VPS45: variants seen among roughly 807,000 people sequenced by gnomAD.
VPS45 encodes vacuolar protein sorting-associated protein 45.
In VPS45, 35 loss-of-function variants were observed where a neutral mutation model predicts 75.9. The ratio of observed to expected loss-of-function variants is 0.46; its 90% CI spans 0.35 to 0.61. The LOEUF is 0.61. Ranked by LOEUF, VPS45 falls within the 20% of genes least tolerant of loss-of-function variation. The pLI, the probability that VPS45 is intolerant of heterozygous loss-of-function variation, is 0.00. For synonymous variants in VPS45, 220 were observed against 238.2 expected (o/e 0.92, Z 0.70); for missense variants, 559 against 685.9 (o/e 0.81, Z 2.07).
intron 13 of VPS45, among the ~76,000 whole-genome samples, chr1:150,104,475 G>A (rs1438601914): frequency 6.6e-6 from 1 of 152,194 alleles, no homozygotes; most frequent in Non-Finnish European, 1.5e-5. Context: ...GGATAAACAT[G>A]AGTGCAAGTG....
chr1:150,126,647 C>G (rs1553810810), intron 14 of VPS45, among the ~76,000 whole-genome samples: 1 of 152,086 alleles, frequency 6.6e-6, no homozygotes, highest in Non-Finnish European at 1.5e-5. Context: ...ATTTTATTGT[C>G]TATGAGTTAT....
chr1:150,085,556 A>G (rs1427826845), intron 10 of VPS45, among the ~76,000 whole-genome samples: 3 of 152,136 alleles, frequency 2.0e-5, no homozygotes, highest in Non-Finnish European at 2.9e-5. Flanking sequence ...ATTTGGCAAC[A>G]TAACTTAAAT....
At chr1:150,079,083 C>T (rs1296180717) in intron 7 of VPS45, among the ~76,000 whole-genome samples, 1 of 142,176 alleles carries the variant, frequency 7.0e-6, no homozygotes, top group Non-Finnish European at 1.5e-5. Flanking sequence ...TGTCCTCCAG[C>T]CTGGGCAACG....
chr1:150,138,358 G>A (rs187432278), intron 14 of VPS45, among the ~76,000 whole-genome samples: 2 of 152,054 alleles, frequency 1.3e-5, no homozygotes, highest in African/African-American at 4.8e-5. Context: ...TGTCTTGGTC[G>A]TCCTACCTCA....
intron 14 of VPS45, among the ~76,000 whole-genome samples, chr1:150,128,532 A>G (rs1422118153): frequency 6.6e-6 from 1 of 152,158 alleles, no homozygotes; most frequent in African/African-American, 2.4e-5. Flanking sequence ...ATCAACAGGT[A>G]CTTTATAGAT....
rs587650148 is a variant in VPS45 at position 150,097,506 on chromosome 1, G to C, written c.1493+3858G>C. On this transcript the variant is annotated intron_variant, in intron 13 of 14. Coordinates refer to ENST00000644510, the MANE Select transcript of VPS45 (RefSeq NM_007259.5). ...AGGCCGAGCGGGCAGATTCTTTGAG[G>C]TCAGGAGTTTGAGACCAGCCTGGCC... 1.7e-3 allele frequency among the ~76,000 whole-genome samples: 257 copies of C among 151,742 alleles called. 1 individual carries two copies. The highest frequency in any genetic ancestry group is 2.7e-3 in the Non-Finnish European group (180 of 67,918).
intron 10 of VPS45, among the ~76,000 whole-genome samples, chr1:150,091,135 A>G (rs1221031105): frequency 2.6e-5 from 4 of 152,234 alleles, no homozygotes; most frequent in African/African-American, 9.6e-5. Context: ...TGTATATAGC[A>G]GAATAAATTA....
intron 13 of VPS45, among the ~76,000 whole-genome samples, chr1:150,107,255 T>C (rs959967989): frequency 1.6e-4 from 25 of 152,188 alleles, no homozygotes; most frequent in African/African-American, 6.0e-4. Context: ...GCATCTCCAT[T>C]AGAATATTCC....
intron 14 of VPS45, among the ~76,000 whole-genome samples, chr1:150,125,832 C>T (rs896441126): frequency 2.6e-5 from 4 of 151,990 alleles, no homozygotes; most frequent in Non-Finnish European, 5.9e-5. Flanking sequence ...GGATTATAGG[C>T]GCCTGCCACC....
chr1:150,080,382 G>A (rs587729774), intron 7 of VPS45, among the ~76,000 whole-genome samples: 78 of 152,156 alleles, frequency 5.1e-4, no homozygotes, highest in South Asian at 2.7e-3. Context: ...GACCTTAAGT[G>A]ATCCACCCAC....
chr1:150,108,473 T>C (rs782255058), intron 13 of VPS45, among the ~76,000 whole-genome samples: 1 of 152,202 alleles, frequency 6.6e-6, no homozygotes, highest in Non-Finnish European at 1.5e-5. Flanking sequence ...CTATACTGAA[T>C]GGAACAGATG....
intron 14 of VPS45, among the ~76,000 whole-genome samples, chr1:150,127,061 C>T (rs186682933): frequency 7.2e-5 from 11 of 152,178 alleles, no homozygotes; most frequent in South Asian, 6.2e-4. Context: ...CCTAAAGCAA[C>T]GGGTATGATG....
At position 150,108,759 on chromosome 1, in the gene VPS45, A is replaced by G. The variant is rs587653719; in HGVS notation, c.1494-1737A>G. ...GGCAATAGTTTCATAAGGAACACAC[A>G]ACCTAGATCCCTCCCATGCGTAGTT... On this transcript the variant is annotated intron_variant, in intron 13 of 14. Transcript: ENST00000644510. 3.9e-5 allele frequency among the ~76,000 whole-genome samples: 6 copies of G among 152,298 alleles called. No homozygotes were observed. In the South Asian group the frequency reaches 8.3e-4, roughly 21 times the overall value.
intron 14 of VPS45, among the ~76,000 whole-genome samples, chr1:150,128,681 C>T (rs1388529417): frequency 6.6e-6 from 1 of 151,962 alleles, no homozygotes; most frequent in Non-Finnish European, 1.5e-5. Flanking sequence ...CCAGAGGGGA[C>T]TTCTCTTCAC....
At chr1:150,131,378 G>A (rs1485511758) in intron 14 of VPS45, among the ~76,000 whole-genome samples, 9 of 151,950 alleles carry the variant, frequency 5.9e-5, no homozygotes, top group South Asian at 2.1e-4. Context: ...GTGTGGTGGC[G>A]GGCGCCTGTA....
intron 14 of VPS45, among the ~76,000 whole-genome samples, chr1:150,140,386 G>GGTTTGTGTGT (rs1247879886): frequency 3.7e-4 from 52 of 140,430 alleles, no homozygotes; most frequent in Admixed American, 1.6e-3. Context: ...CATCACTTCT[G>GGTTTGTGTGT]GTGTGTGTGT....
chr1:150,117,725 T>C (rs1163227259), intron 14 of VPS45, among the ~76,000 whole-genome samples: 1 of 149,108 alleles, frequency 6.7e-6, no homozygotes, highest in Admixed American at 6.7e-5. Flanking sequence ...CCAGGTGTGG[T>C]GGCGCCACCT....
intron 14 of VPS45, among the ~76,000 whole-genome samples, chr1:150,114,627 G>A (rs1272558243): frequency 2.6e-5 from 4 of 151,304 alleles, no homozygotes; most frequent in African/African-American, 7.3e-5. Flanking sequence ...TAGGCATGGT[G>A]GCTCACACCT....
chr1:150,098,485 C>T lies in VPS45; in HGVS notation c.1493+4837C>T, dbSNP rs6698713. Among the ~76,000 whole-genome samples, 928 of 152,206 alleles carry T rather than the reference C, an allele frequency of 6.1e-3. 14 individuals are homozygous for T. The highest frequency in any genetic ancestry group is 0.021 in the African/African-American group (886 of 41,552). The stretch of plus-strand genomic sequence containing the variant: ...AGATTTTTGAAGTTCATAAACAACC[C>T]TTTAAAACATTCTGGCTCTGTATTC... On this transcript the variant is annotated intron_variant, in intron 13 of 14. Coordinates refer to ENST00000644510, the MANE Select transcript of VPS45 (RefSeq NM_007259.5).
Sources: allele counts gnomAD v4.1 joint callset (sites outside exome capture counted in the v4.1 genomes callset), GRCh38; gene constraint gnomAD v4.1.1; transcripts MANE v1.5; gene names NCBI Gene and HGNC (gene_info 2026-07-23, HGNC 2026-07-21).